CPS1: variants seen among roughly 807,000 people sequenced by gnomAD.
CPS1 encodes the protein carbamoyl-phosphate synthase 1, also known as carbamoyl-phosphate synthase [ammonia], mitochondrial.
A neutral mutation model predicts 174.6 loss-of-function variants in CPS1; 109 were observed. That is an observed-to-expected ratio of 0.62 (90% CI 0.53 to 0.73). CPS1 has a LOEUF of 0.73. Among genes scored for constraint, CPS1 ranks in the 30% least tolerant of loss-of-function variants. The probability of loss-of-function intolerance (pLI) is 0.00; values close to 1 mark genes in which losing one functional copy is unlikely to be tolerated. For missense variants in CPS1, 1,689 were observed against 1,821.9 expected, an observed-to-expected ratio of 0.93 and a Z score of 1.33; for synonymous variants, 637 against 632.0, an observed-to-expected ratio of 1.01 and a Z score of -0.12.
rs982568404 is a variant in CPS1, at chr2:210,580,143, C to G, written c.528+373C>G. Among the ~76,000 whole-genome samples, 9 of 152,098 alleles carry G rather than the reference C, an allele frequency of 5.9e-5. No homozygotes were observed. In the East Asian group the frequency reaches 1.7e-3, roughly 29 times the overall value. On this transcript the variant is annotated intron_variant, in intron 5 of 37. Coordinates refer to ENST00000233072, the MANE Select transcript of CPS1 (RefSeq NM_001875.5). ...TAACAATTTTGCCTGAAGTGAAAAC[C>G]TACATGCTGAAAAATACACTCCAGG...
At chr2:210,671,719 C>A (rs919065589) in intron 34 of CPS1, 2 of 152,080 alleles carry the variant, frequency 1.3e-5, no homozygotes, top group African/African-American at 4.8e-5. Context: ...AACACCCAGA[C>A]CAGAAGGTAG....
At chr2:210,535,520 T>A (rs1457407987) in intron 1 of CPS1, among the ~76,000 whole-genome samples, 1 of 152,202 alleles carries the variant, frequency 6.6e-6, no homozygotes, top group African/African-American at 2.4e-5. Context: ...AAATCCCCCT[T>A]TTCACAATAA....
At chr2:210,673,024 CAT>C (rs1358315141) in intron 34 of CPS1, 1 of 152,152 alleles carries the variant, frequency 6.6e-6, no homozygotes, top group Admixed American at 6.5e-5. Context: ...GCAAGGATCA[CAT>C]GTGTTTTATT....
At chr2:210,573,242 T>C in intron 1 of CPS1, 56 bp from the exon 2 acceptor site, 1 of 1,417,546 alleles carries the variant, frequency 7.1e-7, no homozygotes, top group East Asian at 2.3e-5. Context: ...CTTTGGAATA[T>C]TTTTGTGTGT....
chr2:210,516,427 C>T (rs986261285), intron 1 of CPS1, among the ~76,000 whole-genome samples: 41 of 151,944 alleles, frequency 2.7e-4, no homozygotes, highest in Non-Finnish European at 5.5e-4. Context: ...GCGCCTTTTC[C>T]TCTTTCCCAG....
At position 210,648,098 on chromosome 2, in the gene CPS1, T is replaced by C. The variant is rs756499678; in HGVS notation, c.3336+41T>C. ...AGTATCTGTTTCTAATGTTCTATTT[T>C]GAAGAGCTGCAACCTGAATGTTGAC... On this transcript the variant is annotated intron_variant, in intron 26 of 37. Coordinates refer to ENST00000233072, the MANE Select transcript of CPS1 (RefSeq NM_001875.5). 3.8e-6 allele frequency: 6 copies of C among 1,590,240 alleles called. No individual in the cohort carries two copies. In the South Asian group the frequency reaches 5.5e-5, roughly 15 times the overall value.
At position 210,575,598 on chromosome 2, in the gene CPS1, TCCTC is replaced by T; in HGVS notation, c.237-744_237-741del. Among the ~76,000 whole-genome samples the T allele has an allele frequency of 2.0e-5, 3 of 151,918 alleles. No individual in the cohort carries two copies. The Middle Eastern group carries it at 0.01, about 517-fold the overall frequency. On this transcript the variant is annotated intron_variant, in intron 2 of 37. Transcript: ENST00000233072. ...ACTTAAAAATATAGCCCTCCTGCAT[TCCTC>T]CCTAATTCCATATCAGTACTTTAAA... is the stretch of plus-strand genomic sequence containing the variant.
intron 1 of CPS1, among the ~76,000 whole-genome samples, chr2:210,526,199 A>G (rs1236838405): frequency 6.6e-6 from 1 of 151,936 alleles, no homozygotes; most frequent in Non-Finnish European, 1.5e-5. Flanking sequence ...CCATGGACAC[A>G]GGGAGGGGAA....
intron 21 of CPS1, among the ~76,000 whole-genome samples, chr2:210,624,828 A>C (rs1216185038): frequency 6.6e-6 from 1 of 152,052 alleles, no homozygotes; most frequent in African/African-American, 2.4e-5. Flanking sequence ...AGTAATATTC[A>C]GATGACTCAT....
At chr2:210,597,376 T>C (rs796974401) in intron 13 of CPS1, among the ~76,000 whole-genome samples, 4 of 152,000 alleles carry the variant, frequency 2.6e-5, no homozygotes, top group African/African-American at 7.2e-5. Flanking sequence ...TTGCCACTTA[T>C]TAGCTATGTG....
chr2:210,579,827 TG>T, intron 5 of CPS1, 57 bp downstream of exon 5: 1 of 1,416,962 alleles, frequency 7.1e-7, no homozygotes, highest in Non-Finnish European at 9.9e-7. Flanking sequence ...TGTGTGTGTG[TG>T]TGTGTGGTGT....
At chr2:210,588,583 T>C (rs1313147105) in intron 7 of CPS1, among the ~76,000 whole-genome samples, 1 of 152,112 alleles carries the variant, frequency 6.6e-6, no homozygotes, top group African/African-American at 2.4e-5. Flanking sequence ...ATATCAACTC[T>C]TAGACAACCA....
intron 30 of CPS1, 84 bp from the exon 31 acceptor site, chr2:210,658,503 AAGACATCCAAAT>A: frequency 1.2e-6 from 1 of 866,966 alleles, no homozygotes; most frequent in Non-Finnish European, 1.9e-6. Context: ...AGAGAAATTA[AAGACATCCAAAT>A]TTAAGGTACT....
intron 6 of CPS1, among the ~76,000 whole-genome samples, chr2:210,583,121 G>A (rs1260743239): frequency 6.6e-6 from 1 of 152,052 alleles, no homozygotes; most frequent in Admixed American, 6.6e-5. Context: ...GAATCTGGGG[G>A]CATTTTGTGC....
intron 1 of CPS1, among the ~76,000 whole-genome samples, chr2:210,558,633 G>A (rs1696998769): frequency 6.6e-6 from 1 of 151,970 alleles, no homozygotes; most frequent in African/African-American, 2.4e-5. Flanking sequence ...AAGGATAGGT[G>A]CATCTTCATC....
chr2:210,524,076 C>T (rs868482681), intron 1 of CPS1, among the ~76,000 whole-genome samples: 18 of 152,108 alleles, frequency 1.2e-4, no homozygotes, highest in Middle Eastern at 3.4e-3. Context: ...GCTGTCAGAA[C>T]GCAGGCACTC....
intron 1 of CPS1, among the ~76,000 whole-genome samples, chr2:210,571,344 A>C (rs1697474424): frequency 1.3e-5 from 2 of 151,928 alleles, no homozygotes; most frequent in African/African-American, 4.8e-5. Flanking sequence ...AATCTTGCCC[A>C]GGAACACACG....
intron 21 of CPS1, chr2:210,617,863 T>C (rs1043629249): frequency 1.3e-5 from 2 of 152,070 alleles, no homozygotes; most frequent in East Asian, 1.9e-4. Flanking sequence ...TAGTCTGTTC[T>C]ACTGTTCTCA....
intron 1 of CPS1, among the ~76,000 whole-genome samples, chr2:210,528,932 T>C (rs1181554198): frequency 6.7e-6 from 1 of 150,264 alleles, no homozygotes; most frequent in Admixed American, 6.7e-5. Flanking sequence ...TTTTACAGCA[T>C]GAGTTATTGA....
Sources: allele counts gnomAD v4.1 joint callset (sites outside exome capture counted in the v4.1 genomes callset), GRCh38; gene constraint gnomAD v4.1.1; transcripts MANE v1.5; gene names NCBI Gene and HGNC (gene_info 2026-07-23, HGNC 2026-07-21).